The following ATP8A2 variants were observed in gnomAD, a reference collection of about 807,000 sequenced individuals.
The protein encoded by ATP8A2 is ATPase phospholipid transporting 8A2, also known as phospholipid-transporting ATPase IB.
A neutral mutation model predicts 165.6 loss-of-function variants in ATP8A2; 100 were observed. That is an observed-to-expected ratio of 0.60 (90% CI 0.51 to 0.71). The LOEUF is 0.71. ATP8A2 is among the 30% of genes least tolerant of loss of function. The pLI is 0.00. For missense variants in ATP8A2, 1,227 were observed against 1,479.5 expected, an observed-to-expected ratio of 0.83 and a Z score of 2.80; for synonymous variants, 543 against 548.8, an observed-to-expected ratio of 0.99 and a Z score of 0.15.
At chr13:25,954,551 C>T (rs569587393) in intron 33 of ATP8A2, among the ~76,000 whole-genome samples, 1 of 152,338 alleles carries the variant, frequency 6.6e-6, no homozygotes, top group Non-Finnish European at 1.5e-5. Flanking sequence ...GACCCCTATG[C>T]CTCCTGACTG....
At chr13:25,592,695 T>G (rs2040121557) in intron 24 of ATP8A2, among the ~76,000 whole-genome samples, 1 of 152,158 alleles carries the variant, frequency 6.6e-6, no homozygotes, top group African/African-American at 2.4e-5. Context: ...TGGAGGTAAC[T>G]CAGAAATGAG....
intron 2 of ATP8A2, among the ~76,000 whole-genome samples, chr13:25,482,357 T>C (rs185595709): frequency 6.6e-6 from 1 of 152,200 alleles, no homozygotes; most frequent in East Asian, 1.9e-4. Flanking sequence ...CTGTCAAGAA[T>C]TGGGGGTGCG....
intron 2 of ATP8A2, among the ~76,000 whole-genome samples, chr13:25,496,879 C>G (rs1321878446): frequency 6.6e-6 from 1 of 152,088 alleles, no homozygotes; most frequent in Non-Finnish European, 1.5e-5. Context: ...AATGGGAAAT[C>G]TCAATATTAT....
chr13:25,481,729 T>C (rs1030408195), intron 2 of ATP8A2, among the ~76,000 whole-genome samples: 4 of 152,230 alleles, frequency 2.6e-5, no homozygotes, highest in African/African-American at 9.6e-5. Context: ...GATCTGGTTC[T>C]GGTGCGGGCT....
chr13:25,505,192 T>A (rs1593417896), intron 2 of ATP8A2, among the ~76,000 whole-genome samples: 1 of 123,420 alleles, frequency 8.1e-6, no homozygotes, highest in South Asian at 3.0e-4. Flanking sequence ...GATTTGTTTT[T>A]TCGGCGGGGC....
At chr13:25,770,433 T>G (rs1344165517) in intron 26 of ATP8A2, among the ~76,000 whole-genome samples, 4 of 152,166 alleles carry the variant, frequency 2.6e-5, no homozygotes, top group Non-Finnish European at 4.4e-5. Context: ...TTTGACTCCC[T>G]ATGATTTCTT....
In ATP8A2 at chr13:25,714,099, C is replaced by A. The variant is rs149019881; in HGVS notation, c.2384+14754C>A. On this transcript the variant is annotated intron_variant, in intron 25 of 36. Coordinates refer to ENST00000381655, the MANE Select transcript of ATP8A2 (RefSeq NM_016529.6). ...CCAGAGTTTGGTGTTCAAAAAGAAG[C>A]TGTATCCCTCTGCTAAAAGAAAGAA... Among the ~76,000 whole-genome samples the A allele has an allele frequency of 7.5e-3, 1,131 of 151,520 alleles. 15 individuals carry two copies. The highest frequency in any genetic ancestry group is 0.026 in the African/African-American group (1,065 of 41,152).
chr13:25,856,792 T>C (rs1035918885), intron 30 of ATP8A2, among the ~76,000 whole-genome samples: 1 of 152,194 alleles, frequency 6.6e-6, no homozygotes, highest in Non-Finnish European at 1.5e-5. Context: ...GAAGTTTGTA[T>C]TGTATTTTAT....
chr13:25,570,198 C>G (rs970498758), intron 16 of ATP8A2, among the ~76,000 whole-genome samples: 8 of 152,174 alleles, frequency 5.3e-5, no homozygotes, highest in Admixed American at 1.3e-4. Context: ...AGAATAGACA[C>G]TGTATAGAAC....
chr13:25,725,060 A>G (rs568212315), intron 25 of ATP8A2, among the ~76,000 whole-genome samples: 4 of 152,298 alleles, frequency 2.6e-5, no homozygotes, highest in Non-Finnish European at 5.9e-5. Flanking sequence ...CAGGAAGTGT[A>G]GCCTTTAAAC....
At chr13:25,579,470 C>T (rs1320604567) in intron 21 of ATP8A2, among the ~76,000 whole-genome samples, 1 of 152,094 alleles carries the variant, frequency 6.6e-6, no homozygotes, top group African/African-American at 2.4e-5. Flanking sequence ...TGGGGCCTTT[C>T]CTTGCTGTCT....
At chr13:26,006,609 C>T (rs1956745200) in intron 35 of ATP8A2, among the ~76,000 whole-genome samples, 1 of 151,918 alleles carries the variant, frequency 6.6e-6, no homozygotes, top group Admixed American at 6.6e-5. Context: ...AGATGGCTTT[C>T]AGTCTTTTAC....
At chr13:25,568,174 G>T (rs1433915156) in intron 16 of ATP8A2, among the ~76,000 whole-genome samples, 2 of 152,140 alleles carry the variant, frequency 1.3e-5, no homozygotes, top group Non-Finnish European at 2.9e-5. Context: ...ATGGAATTTG[G>T]CTCTTAGAGA....
chr13:25,690,928 C>T (rs2042710482), intron 24 of ATP8A2, among the ~76,000 whole-genome samples: 1 of 152,150 alleles, frequency 6.6e-6, no homozygotes, highest in South Asian at 2.1e-4. Flanking sequence ...ATAATATCCT[C>T]AAAGTGGAAA....
At chr13:25,842,526 G>A (rs2138671828) in intron 30 of ATP8A2, among the ~76,000 whole-genome samples, 1 of 152,212 alleles carries the variant, frequency 6.6e-6, no homozygotes, top group Non-Finnish European at 1.5e-5. Flanking sequence ...ACTAAAATTA[G>A]CTGGGTGTGG....
At chr13:25,513,999 G>GAGGGA (rs2037380864) in intron 2 of ATP8A2, among the ~76,000 whole-genome samples, 2 of 134,556 alleles carry the variant, frequency 1.5e-5, no homozygotes, top group Admixed American at 7.5e-5. Context: ...AGGGGGAGGG[G>GAGGGA]GAGGGAGAGG....
chr13:25,446,549 G>GA (rs1257556222), intron 1 of ATP8A2, among the ~76,000 whole-genome samples: 1 of 122,580 alleles, frequency 8.2e-6, no homozygotes, highest in Non-Finnish European at 2.0e-5. Flanking sequence ...GCAGTACATT[G>GA]AGTTTTTTGT....
rs542651470 is a variant in ATP8A2 at position 25,650,373 on chromosome 13, G to A, written c.2212-48800G>A. The stretch of plus-strand genomic sequence containing the variant: ...TGCTGATGTCGTCTGAATTCTCTTT[G>A]TACATTAGTTTTGTGATCTAGGAAC... On this transcript the variant is annotated intron_variant, in intron 24 of 36. Transcript: ENST00000381655. Among the ~76,000 whole-genome samples the A allele has an allele frequency of 3.8e-3, 576 of 152,180 alleles. 4 individuals carry two copies. The highest frequency in any genetic ancestry group is 0.02 in the Middle Eastern group (6 of 294).
chr13:25,402,050 C>A (rs568680297), intron 1 of ATP8A2, among the ~76,000 whole-genome samples: 5 of 152,062 alleles, frequency 3.3e-5, no homozygotes, highest in Admixed American at 2.6e-4. Flanking sequence ...ATAAGGGCTA[C>A]TTGAATCCTA....
Sources: allele counts gnomAD v4.1 joint callset (sites outside exome capture counted in the v4.1 genomes callset), GRCh38; gene constraint gnomAD v4.1.1; transcripts MANE v1.5; gene names NCBI Gene and HGNC (gene_info 2026-07-23, HGNC 2026-07-21).